TOX4: variants seen among roughly 807,000 people sequenced by gnomAD.
TOX4 encodes TOX high mobility group box family member 4, also known as epidermal Langerhans cell protein LCP1.
Under a neutral mutation model 61.0 loss-of-function variants are expected in TOX4, and 12 were observed. That is an observed-to-expected ratio of 0.20 (90% CI 0.13 to 0.32). TOX4 has a LOEUF of 0.32. Among genes scored for constraint, TOX4 ranks in the 10% least tolerant of loss-of-function variants. The probability of loss-of-function intolerance (pLI) is 1.00; values close to 1 mark genes in which losing one functional copy is unlikely to be tolerated. For missense variants in TOX4, 499 were observed against 753.3 expected (o/e 0.66, Z 3.95); for synonymous variants, 268 against 274.8 (o/e 0.98, Z 0.24).
intron 2 of TOX4, among the ~76,000 whole-genome samples, chr14:21,478,314 G>A (rs7144796): frequency 0.41 from 63,131 of 152,152 alleles, 13,194 homozygotes; most frequent in Middle Eastern, 0.46. Flanking sequence ...AATGTCAGGA[G>A]GAAAGGAAAT....
At position 21,495,368 on chromosome 14, in the gene TOX4, A is replaced by G. The variant is rs747346233; in HGVS notation, c.1781A>G (p.Asn594Ser). 61 of 1,613,910 alleles carry G rather than the reference A, an allele frequency of 3.8e-5. No individual in the cohort carries two copies. The East Asian group carries it at 9.8e-4, about 26-fold the overall frequency. The change falls in exon 8 of 9, where the codon AAT becomes AGT. Residue 594 changes from asparagine (N) to serine (S), a missense_variant. Physicochemically the swap from Asn to Ser is conservative, Grantham distance 46. Coordinates refer to ENST00000448790, the MANE Select transcript of TOX4 (RefSeq NM_014828.4). ...GACTGGGACAATGAATACTGCAGCAATGAGTGTGTGGTGAAGCACTGCAGG... is the reference window on the plus strand; with the variant it reads ...GACTGGGACAATGAATACTGCAGCAGTGAGTGTGTGGTGAAGCACTGCAGG... The part of the protein sequence containing the change: ...SKDWDNEYCS[N>S]ECVVKHCRDV...
chr14:21,498,689 G>T lies in TOX4; in HGVS notation c.*2083G>T. On this transcript the variant is annotated 3_prime_UTR_variant, in exon 9 of 9. Coordinates refer to ENST00000448790, the MANE Select transcript of TOX4 (RefSeq NM_014828.4). The stretch of plus-strand genomic sequence containing the variant: ...CAGCATGTGTTTTAAGCTCTGTTAA[G>T]GGGTGAAAGATGTAATTATTGACAG... 1 of 474,092 alleles carries T rather than the reference G, an allele frequency of 2.1e-6. No homozygotes were observed. Among genetic ancestry groups the T allele is most frequent in the Non-Finnish European group, 3.8e-6 (1 of 265,094 alleles). The allele number at this position is 474,092 out of a possible 1,614,324, so 29.4% of individuals were successfully genotyped here.
chr14:21,484,193 G>A (rs984277466), intron 2 of TOX4, among the ~76,000 whole-genome samples: 2 of 152,086 alleles, frequency 1.3e-5, no homozygotes, highest in Admixed American at 6.6e-5. Flanking sequence ...AAAATAGTAA[G>A]GAGAAGGGAA....
chr14:21,492,050 A>G (rs1473933034), intron 5 of TOX4: 2 of 330,698 alleles, frequency 6.0e-6, no homozygotes, highest in Non-Finnish European at 1.1e-5. Flanking sequence ...GTAGCAAAAT[A>G]AAATAAATGT....
intron 2 of TOX4, among the ~76,000 whole-genome samples, chr14:21,482,150 T>C (rs1891117093): frequency 1.3e-5 from 2 of 152,224 alleles, no homozygotes; most frequent in Admixed American, 1.3e-4. Flanking sequence ...ATTTAATCTT[T>C]CTGTTTCTCT....
chr14:21,483,344 G>A (rs1467078472), intron 2 of TOX4, among the ~76,000 whole-genome samples: 1 of 150,732 alleles, frequency 6.6e-6, no homozygotes, highest in Non-Finnish European at 1.5e-5. Flanking sequence ...TATTAGTCTA[G>A]TACAGTAAAT....
intron 5 of TOX4, chr14:21,492,010 C>CA (rs1220235719): frequency 4.1e-5 from 9 of 220,570 alleles, no homozygotes; most frequent in East Asian, 2.2e-4. Flanking sequence ...GACTCTGTCT[C>CA]AAAAAAAATT....
chr14:21,477,587 G>C, intron 2 of TOX4, 23 bp downstream of exon 2: 1 of 1,612,652 alleles, frequency 6.2e-7, no homozygotes, highest in Non-Finnish European at 8.5e-7. Flanking sequence ...TGCCGACGCC[G>C]CGGGGGTAGG....
chr14:21,492,241 C>T (rs375010498), intron 5 of TOX4, 55 bp from the exon 6 acceptor site: 1 of 1,481,420 alleles, frequency 6.8e-7, no homozygotes, highest in Non-Finnish European at 9.3e-7. Flanking sequence ...AACTATCAGT[C>T]TTTCCTAAGA....
rs1348863910 is a variant in TOX4, at chr14:21,498,625, T to C, written c.*2019T>C. 1 of 534,142 alleles carries C rather than the reference T, an allele frequency of 1.9e-6. No individual in the cohort carries two copies. Among genetic ancestry groups the C allele is most frequent in the East Asian group, 3.1e-5 (1 of 31,936 alleles). The allele number at this position is 534,142 out of a possible 1,614,324, so 33.1% of individuals were successfully genotyped here. On this transcript the variant is annotated 3_prime_UTR_variant, in exon 9 of 9. Transcript: ENST00000448790. The stretch of plus-strand genomic sequence containing the variant: ...CTTAGCCAGGCCTGCTTCACAGAGT[T>C]GCTACCAGGGAGTATTCTTTGGATA...
At position 21,477,222 on chromosome 14, in the gene TOX4, C is replaced by G; in HGVS notation, c.-57C>G. On this transcript the variant is annotated 5_prime_UTR_variant, in exon 1 of 9. Transcript: ENST00000448790. ...TGCGGAAGTGACGGCAGTTCCGAGT[C>G]CAGTGGGGGCGGTGGGAGCGATGAG... is the stretch of plus-strand genomic sequence containing the variant. 6 of 1,614,006 alleles carry G rather than the reference C, an allele frequency of 3.7e-6. No individual in the cohort carries two copies. Among genetic ancestry groups the G allele is most frequent in the Non-Finnish European group, 5.1e-6 (6 of 1,179,906 alleles).
Position 21,488,845 on chromosome 14 carries a change from C to T in TOX4, c.574C>T (p.Arg192Trp), listed in dbSNP as rs1891236620. ...SLHEDGVEDFRRQLPSQKTVV... is the reference protein window; with the variant it reads ...SLHEDGVEDFWRQLPSQKTVV... ...TCACGAGGATGGTGTTGAGGATTTC[C>T]GGAGGGTGAGGCATTCCCTGTCAAA... The change falls in exon 4 of 9, where the codon CGG (arginine) becomes TGG (tryptophan). Residue 192 changes from arginine to tryptophan, a missense_variant. By Grantham distance (101) the Arg-to-Trp change is moderately radical. Around this residue, in one of 7 missense-constraint regions of TOX4, gnomAD observed 61 missense variants for 76.1 expected, o/e 0.80. Transcript: ENST00000448790. 1.9e-6 allele frequency: 3 copies of T among 1,613,496 alleles called. No homozygotes were observed. The highest frequency in any genetic ancestry group is 2.5e-6 in the Non-Finnish European group (3 of 1,179,446).
In TOX4 at chr14:21,498,987, A is replaced by G. The variant is rs375110969; in HGVS notation, c.*2381A>G. ...AGTTCTGTCCTTAATCATAAATAAT[A>G]GCCCCTTGAGGACTAGCCTGTTCTC... On this transcript the variant is annotated 3_prime_UTR_variant, in exon 9 of 9. Transcript: ENST00000448790. 14 of 1,366,004 alleles carry G rather than the reference A, an allele frequency of 1.0e-5. No individual in the cohort carries two copies. In the African/African-American group the frequency reaches 1.4e-4, roughly 14 times the overall value. The allele number at this position is 1,366,004 out of a possible 1,614,324, so 84.6% of individuals were successfully genotyped here. A position where few individuals can be genotyped will look rare whatever the true frequency, so the allele number is the denominator to read the frequency against.
chr14:21,486,229 G>GAA lies in TOX4; in HGVS notation c.76-1212_76-1211dup, dbSNP rs1232103749. Among the ~76,000 whole-genome samples the GAA allele has an allele frequency of 7.2e-5, 7 of 97,460 alleles. 3 individuals are homozygous for GAA. The highest frequency in any genetic ancestry group is 1.3e-4 in the Non-Finnish European group (6 of 44,842). 63.9% of individuals were successfully genotyped at this position (97,460 alleles called of 152,430 possible). A position where few individuals can be genotyped will look rare whatever the true frequency, so the allele number is the denominator to read the frequency against. ...TTTAAAGAATGCATTGTTCAATTAT[G>GAA]AAAAAAAAAAATGTTGGTACCTATT... On this transcript the variant is annotated intron_variant, in intron 2 of 8. Transcript: ENST00000448790.
chr14:21,489,140 A>G (rs771764899), intron 4 of TOX4, 33 bp from the exon 5 acceptor site: 54 of 1,594,598 alleles, frequency 3.4e-5, no homozygotes, highest in Non-Finnish European at 4.4e-5. Context: ...GTCATTGTCC[A>G]TTGTGTAATT....
At chr14:21,477,623 A>G (rs1359643055) in intron 2 of TOX4, 59 bp downstream of exon 2, 2 of 1,579,492 alleles carry the variant, frequency 1.3e-6, no homozygotes, top group African/African-American at 1.3e-5. Context: ...GGGGTAGGGT[A>G]GTGGGGAGGA....
chr14:21,493,035 A>G lies in TOX4; in HGVS notation c.1419A>G (p.Gln473=). 6.2e-7 allele frequency: 1 copy of G among 1,613,952 alleles called. No individual in the cohort carries two copies. Among genetic ancestry groups the G allele is most frequent in the Non-Finnish European group, 8.5e-7 (1 of 1,179,912 alleles). Residue 473 remains glutamine (Q), a synonymous_variant, in exon 7 of 9, where the codon CAA becomes CAG. Transcript: ENST00000448790. ...LQQPPPLQAM[Q]QPPPQKVRIN... ...AGCCTCCTCCACTCCAGGCCATGCA[A>G]CAGCCTCCACCTCAGAAAGTTCGAA...
chr14:21,485,438 T>G (rs1275248891), intron 2 of TOX4, among the ~76,000 whole-genome samples: 1 of 100,014 alleles, frequency 1.0e-5, no homozygotes, highest in Non-Finnish European at 2.2e-5. Context: ...ATAATAAAAA[T>G]TAGCCTGGCA....
At chr14:21,488,039 C>A in intron 3 of TOX4, 1 of 175,364 alleles carries the variant, frequency 5.7e-6, no homozygotes, top group Non-Finnish European at 1.2e-5. Context: ...TGGCCTGAAT[C>A]ACGTTGAGCA....
Sources: allele counts gnomAD v4.1 joint callset (sites outside exome capture counted in the v4.1 genomes callset), GRCh38; gene constraint gnomAD v4.1.1; regional missense constraint gnomAD v4.1.1; transcripts MANE v1.5; gene names NCBI Gene and HGNC (gene_info 2026-07-23, HGNC 2026-07-21).